Variants in CCNL2 observed in about 807,000 individuals in gnomAD.
CCNL2 encodes cyclin-L2.
In CCNL2, 28 loss-of-function variants were observed where a neutral mutation model predicts 59.1. The ratio of observed to expected loss-of-function variants is 0.47; its 90% CI spans 0.35 to 0.65. The LOEUF (loss-of-function observed/expected upper bound fraction) is 0.65. Among genes scored for constraint, CCNL2 ranks in the 30% least tolerant of loss-of-function variants. The pLI is 0.00. For synonymous variants in CCNL2, 342 were observed against 288.6 expected (o/e 1.19, Z -1.88); for missense variants, 714 against 717.4 (o/e 1.00, Z 0.05).
intron 8 of CCNL2, 91 bp downstream of exon 8, chr1:1,390,139 G>T: frequency 2.5e-6 from 3 of 1,178,402 alleles, no homozygotes; most frequent in Non-Finnish European, 3.6e-6. Context: ...AAAAATGTCT[G>T]GAAGGAGCAC....
Position 1,398,668 on chromosome 1 carries a change from C to A in CCNL2, c.292G>T (p.Ala98Ser), listed in dbSNP as rs746411827. ...AACAACACCTGCCCGGTAGCCATGG[C>A]CACCTAGAGTAGAAGAAAGTTTCCG... ...AGILLRLPQV[A>S]MATGQVLFQR... The change falls in exon 2 of 11, where the codon GCC (alanine) becomes TCC (serine). Residue 98 changes from alanine to serine, a missense_variant. By Grantham distance (99) the Ala-to-Ser change is moderately conservative (BLOSUM62 1). Coordinates refer to ENST00000400809, the MANE Select transcript of CCNL2 (RefSeq NM_030937.6). 2 of 1,612,856 alleles carry A rather than the reference C, an allele frequency of 1.2e-6. No individual in the cohort carries two copies. Among genetic ancestry groups the A allele is most frequent in the Non-Finnish European group, 8.5e-7 (1 of 1,179,610 alleles).
At chr1:1,388,361 A>C in intron 8 of CCNL2, 2 of 405,544 alleles carry the variant, frequency 4.9e-6, no homozygotes, top group Non-Finnish European at 9.4e-6. Context: ...TCTCTACTAA[A>C]ACTACAAAAA....
intron 4 of CCNL2, 62 bp from the exon 5 acceptor site, chr1:1,393,522 G>C (rs1165900875): frequency 7.0e-7 from 1 of 1,428,600 alleles, no homozygotes; most frequent in African/African-American, 1.4e-5. Context: ...TTCAGATCTT[G>C]TGGGTGTCCA....
At chr1:1,394,511 AG>A (rs1644910275) in intron 4 of CCNL2, among the ~76,000 whole-genome samples, 1 of 152,158 alleles carries the variant, frequency 6.6e-6, no homozygotes, top group Non-Finnish European at 1.5e-5. Flanking sequence ...GAACTTTGGG[AG>A]GCCGAGGCAG....
intron 2 of CCNL2, 120 bp from the exon 3 acceptor site, chr1:1,398,462 T>A (rs1645174038): frequency 6.4e-7 from 1 of 1,564,380 alleles, no homozygotes; most frequent in Admixed American, 2.0e-5. Flanking sequence ...AAAAAAAAAG[T>A]CAAGAAACAG....
chr1:1,388,727 C>A, intron 8 of CCNL2: 1 of 394,084 alleles, frequency 2.5e-6, no homozygotes, highest in South Asian at 1.9e-5. Context: ...TCCCAGATAG[C>A]GCCACTGCAC....
At chr1:1,395,369 C>T (rs527802925) in intron 4 of CCNL2, 25 bp downstream of exon 4, 30 of 1,612,878 alleles carry the variant, frequency 1.9e-5, no homozygotes, top group Admixed American at 1.0e-4. Flanking sequence ...TAGGCGGGCT[C>T]GCAGGGCAGG....
intron 5 of CCNL2, chr1:1,392,191 C>T (rs1178527645): frequency 2.1e-6 from 1 of 467,344 alleles, no homozygotes; most frequent in Non-Finnish European, 2.8e-6. Flanking sequence ...ATTCAACAAT[C>T]AGTAACCTTT....
At chr1:1,396,829 A>C (rs1358250661) in intron 3 of CCNL2, among the ~76,000 whole-genome samples, 1 of 150,372 alleles carries the variant, frequency 6.7e-6, no homozygotes, top group African/African-American at 2.5e-5. Flanking sequence ...GCTCACTGCA[A>C]GCTCCACCTC....
intron 5 of CCNL2, chr1:1,393,159 C>T (rs1644839702): frequency 5.1e-6 from 3 of 589,310 alleles, no homozygotes; most frequent in African/African-American, 3.7e-5. Context: ...CTGCTCTCTT[C>T]AGGGTGGGGG....
intron 5 of CCNL2, chr1:1,392,272 A>G: frequency 1.1e-6 from 1 of 940,128 alleles, no homozygotes; most frequent in Non-Finnish European, 1.3e-6. Context: ...TCTTAAAAAC[A>G]AATGAAATCT....
At chr1:1,393,589 G>A (rs1251130052) in intron 4 of CCNL2, 129 bp from the exon 5 acceptor site, 22 of 776,138 alleles carry the variant, frequency 2.8e-5, no homozygotes, top group Non-Finnish European at 4.8e-5. Flanking sequence ...CCACACGTCT[G>A]GCGGACGGCT....
chr1:1,391,009 A>G (rs1644735880), intron 5 of CCNL2, 144 bp from the exon 6 acceptor site: 1 of 861,112 alleles, frequency 1.2e-6, no homozygotes, highest in Non-Finnish European at 1.8e-6. Flanking sequence ...AGTCCTGTGA[A>G]TCTCAAGAGT....
rs191132939 is a variant in CCNL2, at chr1:1,390,103, G to C, written c.1006+127C>G. The C allele has an allele frequency of 2.4e-5, 21 of 880,292 alleles. No individual in the cohort carries two copies. The African/African-American group carries it at 3.8e-4, about 16-fold the overall frequency. The allele number at this position is 880,292 out of a possible 1,614,324, so 54.5% of individuals were successfully genotyped here. On this transcript the variant is annotated intron_variant, in intron 8 of 10. Transcript: ENST00000400809. Reference sequence around the variant, plus strand: ...ACCATACTCCAGCCTGGGTGACAGAGACCCTGTCTCAAAAAAAAAAAAAAA... The same window carrying C: ...ACCATACTCCAGCCTGGGTGACAGACACCCTGTCTCAAAAAAAAAAAAAAA...
rs1436378591 is a variant in CCNL2 at position 1,386,511 on chromosome 1, TTG to T, written c.*718_*719del. 1.3e-5 allele frequency: 2 copies of T among 152,408 alleles called. No individual in the cohort carries two copies. Among genetic ancestry groups the T allele is most frequent in the African/African-American group, 4.8e-5 (2 of 41,366 alleles). The allele number at this position is 152,408 out of a possible 1,614,324, so 9.4% of individuals were successfully genotyped here. A position where few individuals can be genotyped will look rare whatever the true frequency, so the allele number is the denominator to read the frequency against. ...CTCCGGATGTCCTGAGTGGAGAGAG[TTG>T]TGTTTATTCACCATGTCATACGCGC... On this transcript the variant is annotated 3_prime_UTR_variant, in exon 11 of 11. Coordinates refer to ENST00000400809, the MANE Select transcript of CCNL2 (RefSeq NM_030937.6).
At chr1:1,396,577 T>G (rs1387783240) in intron 3 of CCNL2, among the ~76,000 whole-genome samples, 1 of 136,254 alleles carries the variant, frequency 7.3e-6, no homozygotes, top group Non-Finnish European at 1.6e-5. Flanking sequence ...GGCTGTTTTT[T>G]TTTTTTTTTT....
chr1:1,398,904 G>T, intron 1 of CCNL2, 115 bp downstream of exon 1: 1 of 1,435,282 alleles, frequency 7.0e-7, no homozygotes, highest in Non-Finnish European at 9.1e-7. Flanking sequence ...TGGGGTCGGG[G>T]CAGGGGCTGG....
intron 5 of CCNL2, chr1:1,392,554 A>T: frequency 2.9e-6 from 4 of 1,386,132 alleles, no homozygotes; most frequent in Non-Finnish European, 3.7e-6. Context: ...AAGGGACAAA[A>T]TTCAAGTCAA....
Position 1,398,885 on chromosome 1 carries a change from C to A in CCNL2, c.288+134G>T, listed in dbSNP as rs1272062092. The stretch of plus-strand genomic sequence containing the variant: ...GGGGCATGGGCTGGCTAGGGAATGG[C>A]GCCGAGGCTGGGGTCGGGGCAGGGG... On this transcript the variant is annotated intron_variant, in intron 1 of 10. Coordinates refer to ENST00000400809, the MANE Select transcript of CCNL2 (RefSeq NM_030937.6). 3.5e-6 allele frequency: 5 copies of A among 1,415,598 alleles called. No individual in the cohort carries two copies. The African/African-American group carries it at 5.9e-5, about 17-fold the overall frequency. The allele number at this position is 1,415,598 out of a possible 1,614,324, so 87.7% of individuals were successfully genotyped here.
Sources: gnomAD v4.1 joint callset for allele counts (sites outside exome capture counted in the v4.1 genomes callset) on GRCh38, gnomAD v4.1.1 for gene constraint, MANE v1.5 for transcripts, NCBI Gene and HGNC (gene_info 2026-07-23, HGNC 2026-07-21) for gene names.